The following GON4L variants were observed in gnomAD, a reference collection of about 807,000 sequenced individuals.
GON4L encodes the protein gon-4 like.
GON4L carries 87 observed loss-of-function variants against 211.8 expected under a neutral mutation model. The ratio of observed to expected loss-of-function variants is 0.41; its 90% CI spans 0.35 to 0.49. The LOEUF (loss-of-function observed/expected upper bound fraction) is 0.49, where lower values mean the gene tolerates loss of function less well. GON4L is among the 20% of genes least tolerant of loss of function. The probability of loss-of-function intolerance (pLI) is 0.15; values close to 1 mark genes in which losing one functional copy is unlikely to be tolerated. For synonymous variants in GON4L, 875 were observed against 962.6 expected (o/e 0.91, Z 1.68); for missense variants, 2,155 against 2,659.5 (o/e 0.81, Z 4.17).
At chr1:155,764,960 T>G (rs751905166) in intron 21 of GON4L, 40 bp downstream of exon 21, 1 of 1,614,050 alleles carries the variant, frequency 6.2e-7, no homozygotes, top group South Asian at 1.1e-5. Flanking sequence ...TACATATTAC[T>G]GAGTCCACGA....
At chr1:155,761,813 A>C (rs978117533) in intron 23 of GON4L, among the ~76,000 whole-genome samples, 3 of 152,066 alleles carry the variant, frequency 2.0e-5, no homozygotes, top group African/African-American at 7.2e-5. Context: ...TCTTAAGAGC[A>C]ATGTATTTTC....
chr1:155,825,580 A>AC (rs1475626934), intron 3 of GON4L, among the ~76,000 whole-genome samples: 116 of 133,670 alleles, frequency 8.7e-4, no homozygotes, highest in East Asian at 5.4e-3. Context: ...TCAAAACAAA[A>AC]AAAAAAAAAA....
rs139463813 is a variant in GON4L at position 155,834,771 on chromosome 1, C to G, written c.506-7743G>C. Among the ~76,000 whole-genome samples the G allele has an allele frequency of 3.8e-3, 585 of 152,320 alleles. 5 individuals are homozygous for G. The highest frequency in any genetic ancestry group is 0.013 in the African/African-American group (561 of 41,572). On this transcript the variant is annotated intron_variant, in intron 2 of 31. Coordinates refer to ENST00000368331, the MANE Select transcript of GON4L (RefSeq NM_001282860.2). ...TATGGTTTAAAAGGGGAGGGACTCT[C>G]AGTTCCGGGAAGTCCTCGCCCCTTT...
chr1:155,833,313 G>A (rs750281656), intron 2 of GON4L, among the ~76,000 whole-genome samples: 127 of 151,858 alleles, frequency 8.4e-4, no homozygotes, highest in African/African-American at 2.5e-3. Flanking sequence ...CAATAATCTC[G>A]CTGCCTTCTC....
At chr1:155,829,575 C>T (rs766178418) in intron 2 of GON4L, among the ~76,000 whole-genome samples, 31 of 152,104 alleles carry the variant, frequency 2.0e-4, no homozygotes, top group Non-Finnish European at 2.9e-5. Flanking sequence ...AAGGTTGCAC[C>T]ACTGCATTCC....
rs143886196 is a variant in GON4L, at chr1:155,771,214, C to T, written c.2499G>A (p.Leu833=). Residue 833 remains leucine (L), a synonymous_variant, in exon 19 of 32, where the codon TTG becomes TTA. Coordinates refer to ENST00000368331, the MANE Select transcript of GON4L (RefSeq NM_001282860.2). ...CAAAATGCTTCAGTCCTAAAGCTAA[C>T]AAACTGAGAAAGGAGAATAACACTA... ...KIVFTKAEDN[L]LALGLKHFEG... 597 of 1,614,110 alleles carry T rather than the reference C, an allele frequency of 3.7e-4. 2 individuals carry two copies. In the African/African-American group the frequency reaches 6.9e-3, roughly 19 times the overall value.
At chr1:155,838,663 G>A (rs1396941597) in intron 2 of GON4L, among the ~76,000 whole-genome samples, 2 of 151,748 alleles carry the variant, frequency 1.3e-5, no homozygotes, top group Non-Finnish European at 2.9e-5. Context: ...CCAGCTACTT[G>A]GGAGGCTGAG....
intron 25 of GON4L, 27 bp from the exon 26 acceptor site, chr1:155,757,350 G>A (rs1397069537): frequency 1.2e-6 from 2 of 1,608,674 alleles, no homozygotes; most frequent in African/African-American, 1.3e-5. Context: ...AGGGAAAGAG[G>A]AAGTCTCCAG....
intron 6 of GON4L, 36 bp downstream of exon 6, chr1:155,820,569 TA>T (rs202045916): frequency 3.0e-4 from 420 of 1,422,188 alleles, no homozygotes; most frequent in Middle Eastern, 5.4e-4. Flanking sequence ...TTCACCAAGC[TA>T]AAAAAAAACC....
Position 155,760,439 on chromosome 1 carries a change from C to T in GON4L, c.5109+5G>A, listed in dbSNP as rs747407487. On this transcript the variant is annotated splice_donor_5th_base_variant and intron_variant, in intron 24 of 31. Transcript: ENST00000368331. The stretch of plus-strand genomic sequence containing the variant: ...CCAGTGTACTTTTTTTCCCCATTCA[C>T]TTACTAATCCACAGGCCAGAGCTTG... 6.3e-7 allele frequency: 1 copy of T among 1,582,140 alleles called. No individual in the cohort carries two copies. Among genetic ancestry groups the T allele is most frequent in the South Asian group, 1.1e-5 (1 of 88,990 alleles).
intron 17 of GON4L, among the ~76,000 whole-genome samples, chr1:155,774,410 G>A (rs1663552441): frequency 6.6e-6 from 1 of 151,210 alleles, no homozygotes; most frequent in African/African-American, 2.4e-5. Context: ...CTGGGTTCAA[G>A]CGATTCTCCT....
upstream of GON4L, among the ~76,000 whole-genome samples, chr1:155,858,641 T>TTG (rs1343370914): frequency 6.6e-6 from 1 of 151,500 alleles, no homozygotes; most frequent in Non-Finnish European, 1.5e-5. Flanking sequence ...TAGTTGTTTT[T>TTG]TTTTTTTTTT....
chr1:155,809,838 ACT>A (rs1448051585), intron 10 of GON4L, among the ~76,000 whole-genome samples: 1 of 17,026 alleles, frequency 5.9e-5, no homozygotes, highest in African/African-American at 1.1e-4. Context: ...TAAATTATAT[ACT>A]TATATATAAT....
intron 8 of GON4L, among the ~76,000 whole-genome samples, chr1:155,815,231 G>T (rs568720359): frequency 6.6e-6 from 1 of 152,146 alleles, no homozygotes. Context: ...ACAAGTCAAA[G>T]AACATATTAA....
In GON4L at chr1:155,753,243, T is replaced by A. The variant is rs1463772960; in HGVS notation, c.5803A>T (p.Thr1935Ser). 1.2e-6 allele frequency: 2 copies of A among 1,613,762 alleles called. No individual in the cohort carries two copies. The highest frequency in any genetic ancestry group is 1.7e-5 in the Admixed American group (1 of 59,984). ...RESTEATQSR[T>S]VRTTRKGEMP... ...TCTCCCTTTCTGGTGGTCCTGACAG[T>A]CCTGCTCTGGGTGGCCTCAGTGCTC... The change falls in exon 29 of 32, where the codon ACT becomes TCT. Residue 1935 changes from threonine (T) to serine (S), a missense_variant. By Grantham distance (58) the Thr-to-Ser change is moderately conservative. Coordinates refer to ENST00000368331, the MANE Select transcript of GON4L (RefSeq NM_001282860.2).
At chr1:155,778,467 G>A (rs955928736) in intron 14 of GON4L, among the ~76,000 whole-genome samples, 3 of 152,056 alleles carry the variant, frequency 2.0e-5, no homozygotes, top group Non-Finnish European at 2.9e-5. Context: ...TAGCCAGGAC[G>A]GTCTCCATCT....
rs148288793 is a variant in GON4L at position 155,796,537 on chromosome 1, G to A, written c.1646-1386C>T. ...AGGTGATCCGCCTGCATTGGCCTCC[G>A]AAAGTGCTAGGATTACAGGAGTGAA... On this transcript the variant is annotated intron_variant, in intron 11 of 31. Coordinates refer to ENST00000368331, the MANE Select transcript of GON4L (RefSeq NM_001282860.2). Among the ~76,000 whole-genome samples the A allele has an allele frequency of 2.0e-5, 3 of 152,090 alleles. No individual in the cohort carries two copies. The East Asian group carries it at 5.8e-4, about 29-fold the overall frequency.
chr1:155,789,087 A>G (rs1665255683), intron 12 of GON4L, among the ~76,000 whole-genome samples: 3 of 126,484 alleles, frequency 2.4e-5, no homozygotes, highest in Admixed American at 1.9e-4. Flanking sequence ...CCGTCTCGGA[A>G]AAAAAAAAAA....
intron 1 of GON4L, among the ~76,000 whole-genome samples, chr1:155,854,986 A>T (rs1357944679): frequency 2.0e-5 from 3 of 151,602 alleles, no homozygotes; most frequent in Non-Finnish European, 4.4e-5. Context: ...GTGAGCCGAG[A>T]TCACTCCCCA....
Sources: allele counts gnomAD v4.1 joint callset (sites outside exome capture counted in the v4.1 genomes callset), GRCh38; gene constraint gnomAD v4.1.1; transcripts MANE v1.5; gene names NCBI Gene and HGNC (gene_info 2026-07-23, HGNC 2026-07-21).